Variants in TACC2 observed in about 807,000 individuals in gnomAD.
TACC2 encodes the protein transforming acidic coiled-coil containing protein 2.
Under a neutral mutation model 227.3 loss-of-function variants are expected in TACC2, and 137 were observed. The ratio of observed to expected loss-of-function variants is 0.60; its 90% CI spans 0.52 to 0.69. The LOEUF is 0.69. TACC2 is among the 30% of genes least tolerant of loss of function. TACC2 has a pLI of 0.00. For synonymous variants in TACC2, 1,523 were observed against 1,487.5 expected (o/e 1.02, Z -0.55); for missense variants, 3,470 against 3,694.4 (o/e 0.94, Z 1.57).
Position 122,150,507 on chromosome 10 carries a change from TC to T in TACC2, c.5834+6803del, listed in dbSNP as rs1254293260. 2.6e-5 allele frequency among the ~76,000 whole-genome samples: 4 copies of T among 152,104 alleles called. No individual in the cohort carries two copies. In the East Asian group the frequency reaches 7.7e-4, roughly 29 times the overall value. ...TTGCCCTGCGGGAGGCTGCGTTCCT[TC>T]CAAGCCAAATGCGTGCTCTCCAGCC... On this transcript the variant is annotated intron_variant, in intron 7 of 22. Coordinates refer to ENST00000369005, the MANE Select transcript of TACC2 (RefSeq NM_206862.4). This position sits in a 1 kb window ranked among gnomAD's most constrained non-coding sequence, Gnocchi z 4.0.
chr10:122,226,354 T>C lies in TACC2; in HGVS notation c.7609-12T>C. ...CTGTACCCAAGCTGATATGTGATTT[T>C]GATCCCTGCAGCAGGACGACGATGC... On this transcript the variant is annotated splice_polypyrimidine_tract_variant and intron_variant, in intron 12 of 22. Coordinates refer to ENST00000369005, the MANE Select transcript of TACC2 (RefSeq NM_206862.4). The C allele has an allele frequency of 6.2e-7, 1 of 1,604,524 alleles. No homozygotes were observed. Among genetic ancestry groups the C allele is most frequent in the Non-Finnish European group, 8.5e-7 (1 of 1,171,806 alleles).
At chr10:122,044,815 G>A (rs1013513092) in intron 2 of TACC2, among the ~76,000 whole-genome samples, 11 of 151,820 alleles carry the variant, frequency 7.2e-5, no homozygotes, top group Non-Finnish European at 1.6e-4. Context: ...CAGAGCCAAC[G>A]AAAGACTGTT....
intron 6 of TACC2, among the ~76,000 whole-genome samples, chr10:122,140,584 C>A (rs950758137): frequency 1.3e-5 from 2 of 152,208 alleles, no homozygotes; most frequent in African/African-American, 4.8e-5. Flanking sequence ...GTGCGGACCC[C>A]ATATCAGTGC....
rs1003918518 is a variant in TACC2, at chr10:122,150,717, G to A, written c.5834+7011G>A. 6.6e-6 allele frequency among the ~76,000 whole-genome samples: 1 copy of A among 152,204 alleles called. No homozygotes were observed. The highest frequency in any genetic ancestry group is 1.5e-5 in the Non-Finnish European group (1 of 68,040). On this transcript the variant is annotated intron_variant, in intron 7 of 22. Coordinates refer to ENST00000369005, the MANE Select transcript of TACC2 (RefSeq NM_206862.4). The surrounding 1 kb of genome is among the most constrained non-coding windows in gnomAD (Gnocchi z 4.0). ...CCCCACCATGCCCGAGTGCCTCGCC[G>A]TGTTGATGAGCCAGTTTCTTTAATA...
chr10:122,227,382 C>A (rs900556984), intron 13 of TACC2, among the ~76,000 whole-genome samples: 14 of 152,206 alleles, frequency 9.2e-5, no homozygotes, highest in African/African-American at 3.4e-4. Context: ...AGAGACTCTG[C>A]AGGCTGCCCA....
intron 2 of TACC2, among the ~76,000 whole-genome samples, chr10:122,028,782 GCTCCC>G (rs1413955463): frequency 0.026 from 462 of 17,474 alleles, 28 homozygotes; most frequent in African/African-American, 0.082. Context: ...CCTTGCCTCC[GCTCCC>G]CTCCCCTCCC....
In TACC2 at chr10:122,086,444, A is replaced by C; in HGVS notation, c.3944A>C (p.Lys1315Thr). 1 of 1,613,850 alleles carries C rather than the reference A, an allele frequency of 6.2e-7. No homozygotes were observed. The highest frequency in any genetic ancestry group is 8.5e-7 in the Non-Finnish European group (1 of 1,180,012). ...PAVQASSGSP[K>T]ARTTEGPVDS... ...GTGCAAGCCAGCAGTGGTAGTCCCA[A>C]AGCCAGAACCACTGAGGGACCAGTG... The change falls in exon 4 of 23, where the codon AAA becomes ACA. Residue 1315 changes from lysine (K) to threonine (T), a missense_variant. Transcript: ENST00000369005.
chr10:122,123,809 A>ATT (rs55702616), intron 5 of TACC2, among the ~76,000 whole-genome samples: 18 of 98,536 alleles, frequency 1.8e-4, no homozygotes, highest in East Asian at 6.2e-4. Flanking sequence ...CTGTAGAGTC[A>ATT]TTTTTTTTTT....
chr10:122,065,188 GT>G (rs1255059083), intron 3 of TACC2, among the ~76,000 whole-genome samples: 1 of 152,150 alleles, frequency 6.6e-6, no homozygotes, highest in Non-Finnish European at 1.5e-5. Context: ...TCACATTGTT[GT>G]TTGACCAGTG....
At chr10:122,074,146 T>A (rs2078494484) in intron 3 of TACC2, among the ~76,000 whole-genome samples, 1 of 148,308 alleles carries the variant, frequency 6.7e-6, no homozygotes, top group African/African-American at 2.5e-5. Flanking sequence ...AGTGGCGTGA[T>A]CTTGGCTCAC....
chr10:122,135,777 C>T (rs1173881591), intron 6 of TACC2, among the ~76,000 whole-genome samples: 1 of 152,256 alleles, frequency 6.6e-6, no homozygotes, highest in Non-Finnish European at 1.5e-5. Context: ...CTGCCCAGCA[C>T]ACACGTTCTC....
At chr10:122,230,243 T>C in intron 15 of TACC2, 108 bp from the exon 16 acceptor site, 2 of 876,452 alleles carry the variant, frequency 2.3e-6, no homozygotes, top group Non-Finnish European at 3.9e-6. Flanking sequence ...TTTTCCCGAG[T>C]GCCTGTCATG....
At chr10:122,176,593 T>C (rs1473967558) in intron 7 of TACC2, among the ~76,000 whole-genome samples, 1 of 152,006 alleles carries the variant, frequency 6.6e-6, no homozygotes, top group African/African-American at 2.4e-5. Flanking sequence ...TTTTTTTTTC[T>C]CTGTAGAATG....
intron 3 of TACC2, among the ~76,000 whole-genome samples, chr10:122,078,364 TCCTC>T (rs1224043480): frequency 1.1e-4 from 16 of 152,112 alleles, no homozygotes; most frequent in Non-Finnish European, 1.5e-4. Context: ...CTGGCCTCCT[TCCTC>T]CCTTTAAGCA....
chr10:122,020,361 G>A (rs1957182379), intron 1 of TACC2, among the ~76,000 whole-genome samples: 1 of 151,854 alleles, frequency 6.6e-6, no homozygotes, highest in South Asian at 2.1e-4. Context: ...GGCAAGAAAG[G>A]ATTAAGGTAT....
At chr10:122,190,651 G>A (rs1349923256) in intron 7 of TACC2, among the ~76,000 whole-genome samples, 1 of 152,054 alleles carries the variant, frequency 6.6e-6, no homozygotes, top group African/African-American at 2.4e-5. Flanking sequence ...TGCCCTGTCT[G>A]CCTTATTAAA....
At chr10:122,104,459 C>T (rs1592047475) in intron 5 of TACC2, among the ~76,000 whole-genome samples, 2 of 152,110 alleles carry the variant, frequency 1.3e-5, no homozygotes, top group South Asian at 2.1e-4. Context: ...ACCTCCGCCT[C>T]CCAGGTTCAA....
At chr10:122,092,260 G>A (rs1251091986) in intron 5 of TACC2, among the ~76,000 whole-genome samples, 8 of 152,112 alleles carry the variant, frequency 5.3e-5, no homozygotes, top group African/African-American at 9.7e-5. Context: ...ACCCCCTACT[G>A]CACAGCCCAG....
At chr10:122,024,316 T>C (rs1455306723) in intron 2 of TACC2, among the ~76,000 whole-genome samples, 1 of 152,156 alleles carries the variant, frequency 6.6e-6, no homozygotes, top group Non-Finnish European at 1.5e-5. Flanking sequence ...CAGTGAGCCA[T>C]GTTTGCACTA....
Sources: gnomAD v4.1 joint callset for allele counts (sites outside exome capture counted in the v4.1 genomes callset) on GRCh38, gnomAD v4.1.1 for gene constraint, Gnocchi (gnomAD v3.1) non-coding constraint, MANE v1.5 for transcripts, NCBI Gene and HGNC (gene_info 2026-07-23, HGNC 2026-07-21) for gene names.